Variants in PSMB7 observed in about 807,000 individuals in gnomAD.
The protein encoded by PSMB7 is proteasome subunit beta type-7.
In PSMB7, 5 loss-of-function variants were observed where a neutral mutation model predicts 28.1. The ratio of observed to expected loss-of-function variants is 0.18; its 90% confidence interval spans 0.09 to 0.37. The LOEUF is 0.37. Ranked by LOEUF, PSMB7 falls within the 10% of genes least tolerant of loss-of-function variation. The probability of loss-of-function intolerance (pLI) is 1.00; values close to 1 mark genes in which losing one functional copy is unlikely to be tolerated. For synonymous variants in PSMB7, 122 were observed against 123.7 expected, an observed-to-expected ratio of 0.99 and a Z score of 0.09; for missense variants, 275 against 346.2, an observed-to-expected ratio of 0.79 and a Z score of 1.63.
At chr9:124,382,887 T>C (rs535465693) in intron 6 of PSMB7, among the ~76,000 whole-genome samples, 1 of 152,178 alleles carries the variant, frequency 6.6e-6, no homozygotes, top group African/African-American at 2.4e-5. Flanking sequence ...ACTCTCAACT[T>C]TTCCTACAAT....
intron 6 of PSMB7, among the ~76,000 whole-genome samples, chr9:124,361,329 T>G (rs2058527916): frequency 6.6e-6 from 1 of 152,162 alleles, no homozygotes; most frequent in Admixed American, 6.5e-5. Context: ...GCAGTTCCAT[T>G]TACCGCTACA....
chr9:124,353,472 C>G lies in PSMB7; in HGVS notation c.*126G>C, dbSNP rs1830354028. On this transcript the variant is annotated 3_prime_UTR_variant, in exon 8 of 8. Coordinates refer to ENST00000259457, the MANE Select transcript of PSMB7 (RefSeq NM_002799.4). ...CCACACAGTGCCCAGACCTCAGCTG[C>G]CCAATTTGGTTTTTGTTTTTTATTG... 4 of 724,108 alleles carry G rather than the reference C, an allele frequency of 5.5e-6. No individual in the cohort carries two copies. In the South Asian group the frequency reaches 6.7e-5, roughly 12 times the overall value. 44.9% of individuals were successfully genotyped at this position (724,108 alleles called of 1,614,324 possible). A position where few individuals can be genotyped will look rare whatever the true frequency, so the allele number is the denominator to read the frequency against.
In PSMB7 at chr9:124,415,047, C is replaced by T. The variant is rs1831072635; in HGVS notation, c.63-112G>A. 5 of 711,494 alleles carry T rather than the reference C, an allele frequency of 7.0e-6. No homozygotes were observed. In the East Asian group the frequency reaches 1.3e-4, roughly 19 times the overall value. 44.1% of individuals were successfully genotyped at this position (711,494 alleles called of 1,614,324 possible). A position where few individuals can be genotyped will look rare whatever the true frequency, so the allele number is the denominator to read the frequency against. On this transcript the variant is annotated intron_variant, in intron 1 of 7. Transcript: ENST00000259457. ...GAAAGCTGCTACTTGTTTTCACGCC[C>T]ATCTGTTTAATGAATCCTCCCACCA...
At chr9:124,369,882 C>A (rs1830544683) in intron 6 of PSMB7, among the ~76,000 whole-genome samples, 1 of 152,222 alleles carries the variant, frequency 6.6e-6, no homozygotes, top group South Asian at 2.1e-4. Flanking sequence ...TTCCGCCGTA[C>A]CCCTACTGCC....
At position 124,415,088 on chromosome 9, in the gene PSMB7, C is replaced by G; in HGVS notation, c.63-153G>C. 3 of 635,832 alleles carry G rather than the reference C, an allele frequency of 4.7e-6. No individual in the cohort carries two copies. The South Asian group carries it at 5.9e-5, about 12-fold the overall frequency. The allele number at this position is 635,832 out of a possible 1,614,324, so 39.4% of individuals were successfully genotyped here. A position where few individuals can be genotyped will look rare whatever the true frequency, so the allele number is the denominator to read the frequency against. On this transcript the variant is annotated intron_variant, in intron 1 of 7. Transcript: ENST00000259457. Reference sequence around the variant, plus strand: ...CCTCCCACCATCAGCACTGTTCTCCCGTTTTCCAACGAAGACAGTCTTACA... The same window carrying G: ...CCTCCCACCATCAGCACTGTTCTCCGGTTTTCCAACGAAGACAGTCTTACA...
rs897809920 is a variant in PSMB7, at chr9:124,373,303, G to T, written c.570+11295C>A. Reference sequence around the variant, plus strand: ...AATTCCATACAGGACCCCAGGGATTGTATGTTAGGGTTCAGACATCTCTAA... The same window carrying T: ...AATTCCATACAGGACCCCAGGGATTTTATGTTAGGGTTCAGACATCTCTAA... On this transcript the variant is annotated intron_variant, in intron 6 of 7. Transcript: ENST00000259457. Among the ~76,000 whole-genome samples, 3 of 152,226 alleles carry T rather than the reference G, an allele frequency of 2.0e-5. No individual in the cohort carries two copies. The East Asian group carries it at 5.8e-4, about 29-fold the overall frequency.
At chr9:124,403,573 CT>C (rs1200702996) in intron 5 of PSMB7, among the ~76,000 whole-genome samples, 2 of 152,138 alleles carry the variant, frequency 1.3e-5, no homozygotes, top group African/African-American at 4.8e-5. Flanking sequence ...ATGCAAAAAG[CT>C]GGTTAGCAAA....
intron 5 of PSMB7, among the ~76,000 whole-genome samples, chr9:124,403,576 G>A (rs1338284523): frequency 6.6e-6 from 1 of 152,166 alleles, no homozygotes; most frequent in Non-Finnish European, 1.5e-5. Flanking sequence ...CAAAAAGCTG[G>A]TTAGCAAATG....
intron 5 of PSMB7, among the ~76,000 whole-genome samples, chr9:124,403,283 G>A (rs2131176231): frequency 6.6e-6 from 1 of 152,058 alleles, no homozygotes; most frequent in South Asian, 2.1e-4. Flanking sequence ...CCAGCACTTT[G>A]GGAGGCTGGA....
At chr9:124,380,722 T>A (rs76699962) in intron 6 of PSMB7, among the ~76,000 whole-genome samples, 6,869 of 152,310 alleles carry the variant, frequency 0.045, 214 homozygotes, top group East Asian at 0.1. Context: ...TCTATCTTCA[T>A]TTGAGTGCCA....
At chr9:124,368,540 T>C (rs1339247999) in intron 6 of PSMB7, among the ~76,000 whole-genome samples, 1 of 152,204 alleles carries the variant, frequency 6.6e-6, no homozygotes, top group Non-Finnish European at 1.5e-5. Context: ...AACATTGACA[T>C]TTCCCTAAAA....
At chr9:124,413,361 G>C (rs1588584882) in intron 3 of PSMB7, among the ~76,000 whole-genome samples, 1 of 151,844 alleles carries the variant, frequency 6.6e-6, no homozygotes, top group Admixed American at 6.6e-5. Flanking sequence ...AACTGAAAAA[G>C]ACGCTTGAAG....
chr9:124,402,223 A>G (rs1383379933), intron 5 of PSMB7, among the ~76,000 whole-genome samples: 1 of 152,162 alleles, frequency 6.6e-6, no homozygotes, highest in Non-Finnish European at 1.5e-5. Context: ...CATCACCCGG[A>G]ACTCAAATGA....
Position 124,356,346 on chromosome 9 carries a change from G to C in PSMB7, c.722+418C>G, listed in dbSNP as rs1830406464. 6.6e-6 allele frequency among the ~76,000 whole-genome samples: 1 copy of C among 152,146 alleles called. No individual in the cohort carries two copies. The highest frequency in any genetic ancestry group is 1.5e-5 in the Non-Finnish European group (1 of 68,022). The stretch of plus-strand genomic sequence containing the variant: ...CACACTAGCTCCCAAGGCCACCTCT[G>C]GGAGGCTGTTAGCATTGCTGACTTA... On this transcript the variant is annotated intron_variant, in intron 7 of 7. Coordinates refer to ENST00000259457, the MANE Select transcript of PSMB7 (RefSeq NM_002799.4). This position sits in a 1 kb window ranked among gnomAD's most constrained non-coding sequence, Gnocchi z 4.4.
intron 6 of PSMB7, among the ~76,000 whole-genome samples, chr9:124,358,916 C>T (rs1378053813): frequency 8.5e-5 from 13 of 152,208 alleles, no homozygotes; most frequent in Non-Finnish European, 1.5e-5. Context: ...TAGATGGGGA[C>T]AGGTGAAGAC....
Position 124,413,844 on chromosome 9 carries a change from A to AGGT in PSMB7, c.254+61_254+63dup, listed in dbSNP as rs559641568. 466 of 1,148,852 alleles carry AGGT rather than the reference A, an allele frequency of 4.1e-4. 1 individual carries two copies. The African/African-American group carries it at 6.5e-3, about 16-fold the overall frequency. The allele number at this position is 1,148,852 out of a possible 1,614,324, so 71.2% of individuals were successfully genotyped here. The stretch of plus-strand genomic sequence containing the variant: ...ACAGGTTTTAGTAAGGAGCACAGGA[A>AGGT]GGTCAATTTTTAGCCCTGACATGTT... On this transcript the variant is annotated intron_variant, in intron 3 of 7. Transcript: ENST00000259457.
intron 5 of PSMB7, among the ~76,000 whole-genome samples, chr9:124,384,922 A>C (rs1442222964): frequency 6.6e-6 from 1 of 152,244 alleles, no homozygotes; most frequent in Non-Finnish European, 1.5e-5. Context: ...TTCACAATAA[A>C]ATGCTGAAGC....
chr9:124,412,432 GT>G lies in PSMB7; in HGVS notation c.314del (p.Asn105ThrfsTer16). The part of the protein sequence containing the change: ...TDMTTQLISS[N>X]LELHSLSTGR... The stretch of plus-strand genomic sequence containing the variant: ...CAGTGGAGAGGGAGTGGAGCTCCAG[GT>G]TGGAAGAAATGAGCTGGGTTGTCAT... On this transcript the variant is annotated frameshift_variant, in exon 4 of 8. Coordinates refer to ENST00000259457, the MANE Select transcript of PSMB7 (RefSeq NM_002799.4). LOFTEE classifies it high-confidence loss of function. 1 of 1,614,152 alleles carries G rather than the reference GT, an allele frequency of 6.2e-7. No homozygotes were observed. The highest frequency in any genetic ancestry group is 8.5e-7 in the Non-Finnish European group (1 of 1,179,984).
At chr9:124,409,269 T>C (rs532486963) in intron 4 of PSMB7, among the ~76,000 whole-genome samples, 43 of 152,356 alleles carry the variant, frequency 2.8e-4, no homozygotes, top group African/African-American at 9.9e-4. Context: ...CATTTTGTTC[T>C]TTGGGCTTTT....
Sources: gnomAD v4.1 joint callset for allele counts (sites outside exome capture counted in the v4.1 genomes callset) on GRCh38, gnomAD v4.1.1 for gene constraint, Gnocchi (gnomAD v3.1) non-coding constraint, MANE v1.5 for transcripts, NCBI Gene and HGNC (gene_info 2026-07-23, HGNC 2026-07-21) for gene names.